Variants in BDNF observed in about 807,000 individuals in gnomAD.
BDNF encodes the protein neurotrophic factor BDNF precursor form.
A neutral mutation model predicts 19.5 loss-of-function variants in BDNF; 1 was observed. The ratio of observed to expected loss-of-function variants is 0.05; its 90% CI spans 0.02 to 0.24. The LOEUF (loss-of-function observed/expected upper bound fraction) is 0.24. Ranked by LOEUF, BDNF falls within the 10% of genes least tolerant of loss-of-function variation. BDNF has a pLI of 1.00. For synonymous variants in BDNF, 100 were observed against 121.6 expected (o/e 0.82, Z 1.17); for missense variants, 195 against 317.6 (o/e 0.61, Z 2.93).
chr11:27,681,099 G>T (rs960531944), intron 1 of BDNF, among the ~76,000 whole-genome samples: 15 of 152,162 alleles, frequency 9.9e-5, no homozygotes, highest in South Asian at 4.1e-4. Flanking sequence ...TTACTTATTA[G>T]GAAGCAAGTT....
chr11:27,701,596 C>A, upstream of BDNF: 1 of 986,832 alleles, frequency 1.0e-6, no homozygotes, highest in Non-Finnish European at 1.2e-6. Context: ...GGAGCGGCAG[C>A]GAGAGCAGCC....
chr11:27,663,047 A>G (rs971543104), intron 1 of BDNF, among the ~76,000 whole-genome samples: 1 of 152,216 alleles, frequency 6.6e-6, no homozygotes, highest in Non-Finnish European at 1.5e-5. Context: ...AATAACAATA[A>G]TAATAGCAAA....
intron 1 of BDNF, among the ~76,000 whole-genome samples, chr11:27,699,147 T>C (rs1346160038): frequency 7.2e-6 from 1 of 138,620 alleles, no homozygotes; most frequent in Non-Finnish European, 1.5e-5. Flanking sequence ...GGGCACCCTC[T>C]ACCTTCCCTA....
intron 1 of BDNF, among the ~76,000 whole-genome samples, chr11:27,682,215 C>T (rs1385413047): frequency 6.6e-6 from 1 of 151,878 alleles, no homozygotes; most frequent in Non-Finnish European, 1.5e-5. Flanking sequence ...CCCATACATC[C>T]AAACCATCTG....
chr11:27,699,880 T>A (rs755693788), intron 1 of BDNF, among the ~76,000 whole-genome samples: 6 of 152,050 alleles, frequency 3.9e-5, no homozygotes, highest in Non-Finnish European at 8.8e-5. Context: ...CGGGTCGCCG[T>A]CTTTGCTCCC....
At chr11:27,715,911 C>A (rs1242592698) in intron 1 of BDNF, among the ~76,000 whole-genome samples, 1 of 152,006 alleles carries the variant, frequency 6.6e-6, no homozygotes, top group East Asian at 1.9e-4. Context: ...CTAGGAAATA[C>A]AAATAAAGTC....
upstream of BDNF, chr11:27,700,811 C>T: frequency 8.2e-7 from 1 of 1,216,498 alleles, no homozygotes; most frequent in Non-Finnish European, 1.1e-6. Flanking sequence ...CCCGCGCCCT[C>T]TGCAGAAACC....
At chr11:27,674,864 A>G in intron 1 of BDNF, 2 of 916,328 alleles carry the variant, frequency 2.2e-6, no homozygotes, top group South Asian at 1.0e-4. Context: ...GGATTTTGGA[A>G]GATGCTCTGG....
At chr11:27,685,741 T>TGA (rs1857395089) in intron 1 of BDNF, among the ~76,000 whole-genome samples, 1 of 152,002 alleles carries the variant, frequency 6.6e-6, no homozygotes, top group African/African-American at 2.4e-5. Context: ...AGTTCTAATT[T>TGA]AATTGCACTT....
At position 27,657,547 on chromosome 11, in the gene BDNF, T is replaced by C; in HGVS notation, c.*274A>G. Reference sequence around the variant, plus strand: ...TGCAATTTATTATTTTTTTTAACTTTTTATGTTTTCAGTTCTTGGCAACGG... The same window carrying C: ...TGCAATTTATTATTTTTTTTAACTTCTTATGTTTTCAGTTCTTGGCAACGG... On this transcript the variant is annotated 3_prime_UTR_variant, in exon 2 of 2. Coordinates refer to ENST00000356660, the MANE Select transcript of BDNF (RefSeq NM_001709.5). The surrounding 1 kb of genome is among the most constrained non-coding windows in gnomAD (Gnocchi z 5.0). 1 of 1,191,716 alleles carries C rather than the reference T, an allele frequency of 8.4e-7. No individual in the cohort carries two copies. Among genetic ancestry groups the C allele is most frequent in the Non-Finnish European group, 1.0e-6 (1 of 959,298 alleles). 73.8% of individuals were successfully genotyped at this position (1,191,716 alleles called of 1,614,324 possible).
chr11:27,712,756 C>T (rs1232056003), intron 1 of BDNF, among the ~76,000 whole-genome samples: 1 of 151,436 alleles, frequency 6.6e-6, no homozygotes, highest in Admixed American at 6.6e-5. Flanking sequence ...CTCAAGTGAT[C>T]CACCCGCCTT....
At chr11:27,704,190 G>T (rs967522462), upstream of BDNF, among the ~76,000 whole-genome samples, 9 of 152,104 alleles carry the variant, frequency 5.9e-5, no homozygotes, top group African/African-American at 2.2e-4. Flanking sequence ...TAAAATGAGG[G>T]AAAGTTTCAC....
At chr11:27,679,255 C>T in intron 1 of BDNF, among the ~76,000 whole-genome samples, 1 of 152,114 alleles carries the variant, frequency 6.6e-6, no homozygotes, top group South Asian at 2.1e-4. Context: ...TCACTTCTAG[C>T]TTCATAGCAG....
At chr11:27,714,777 G>C (rs1010562368) in intron 1 of BDNF, among the ~76,000 whole-genome samples, 3 of 152,274 alleles carry the variant, frequency 2.0e-5, no homozygotes, top group East Asian at 1.9e-4. Flanking sequence ...ACTTGGAACG[G>C]AAGTGGAATT....
chr11:27,701,089 C>G, upstream of BDNF: 2 of 1,322,312 alleles, frequency 1.5e-6, no homozygotes, highest in Non-Finnish European at 2.0e-6. Context: ...AAACAGAGTT[C>G]GCGCACTGAC....
At chr11:27,660,826 G>T (rs1052040084) in intron 1 of BDNF, among the ~76,000 whole-genome samples, 6 of 150,838 alleles carry the variant, frequency 4.0e-5, no homozygotes, top group African/African-American at 1.2e-4. Flanking sequence ...TTTACTAAGT[G>T]CCCACACTAA....
chr11:27,701,019 T>G, upstream of BDNF: 1 of 1,361,352 alleles, frequency 7.3e-7, no homozygotes. Context: ...GAGCACACAA[T>G]GAAATCGCAC....
chr11:27,673,008 G>T (rs1411077257), intron 1 of BDNF, among the ~76,000 whole-genome samples: 2 of 152,112 alleles, frequency 1.3e-5, no homozygotes, highest in Non-Finnish European at 2.9e-5. Context: ...TAGTGCTGCT[G>T]TTAAGTCATT....
chr11:27,700,635 G>A (rs1316314932), upstream of BDNF: 1 of 992,644 alleles, frequency 1.0e-6, no homozygotes, highest in Non-Finnish European at 1.2e-6. Flanking sequence ...GGGAACCGAG[G>A]GGCGCCCGGA....
Sources: gnomAD v4.1 joint callset for allele counts (sites outside exome capture counted in the v4.1 genomes callset) on GRCh38, gnomAD v4.1.1 for gene constraint, Gnocchi (gnomAD v3.1) non-coding constraint, MANE v1.5 for transcripts, NCBI Gene and HGNC (gene_info 2026-07-23, HGNC 2026-07-21) for gene names.